Variants in CAMTA1 observed in about 807,000 individuals in gnomAD.
CAMTA1 encodes the protein calmodulin-binding transcription activator 1.
CAMTA1 carries 27 observed loss-of-function variants against 170.9 expected under a neutral mutation model. That is an observed-to-expected ratio of 0.16 (90% CI 0.12 to 0.22). The LOEUF is 0.22. Among genes scored for constraint, CAMTA1 ranks in the 10% least tolerant of loss-of-function variants. CAMTA1 has a pLI of 1.00. For synonymous variants in CAMTA1, 833 were observed against 891.5 expected (o/e 0.93, Z 1.17); for missense variants, 1,619 against 2,217.2 (o/e 0.73, Z 5.42).
chr1:7,104,528 G>C (rs978655064), intron 4 of CAMTA1, among the ~76,000 whole-genome samples: 1 of 152,188 alleles, frequency 6.6e-6, no homozygotes, highest in Non-Finnish European at 1.5e-5. Context: ...GAGGAGCTCT[G>C]GGGGAACTGG....
At chr1:6,870,375 A>G (rs929841117) in intron 3 of CAMTA1, among the ~76,000 whole-genome samples, 2 of 152,312 alleles carry the variant, frequency 1.3e-5, no homozygotes, top group East Asian at 3.9e-4. Flanking sequence ...TGTTTTTTGA[A>G]ACATGGCTTT....
chr1:7,439,115 A>G (rs1385278956), intron 5 of CAMTA1, among the ~76,000 whole-genome samples: 1 of 152,110 alleles, frequency 6.6e-6, no homozygotes, highest in Non-Finnish European at 1.5e-5. Flanking sequence ...GCGTCCTCCC[A>G]GGGCCGAGGG....
chr1:7,107,266 A>ATGTCTGTGTGCG (rs1643682028), intron 4 of CAMTA1, among the ~76,000 whole-genome samples: 1 of 83,910 alleles, frequency 1.2e-5, no homozygotes, highest in African/African-American at 5.3e-5. Flanking sequence ...GTGCATGTGT[A>ATGTCTGTGTGCG]TGTGTGTGTG....
chr1:7,707,168 GC>G (rs1203793820), intron 11 of CAMTA1, among the ~76,000 whole-genome samples: 2 of 152,098 alleles, frequency 1.3e-5, no homozygotes, highest in Non-Finnish European at 2.9e-5. Context: ...ACAGGCGTGA[GC>G]CACCGTGCCT....
intron 4 of CAMTA1, among the ~76,000 whole-genome samples, chr1:7,150,655 A>G (rs1428687952): frequency 6.6e-6 from 1 of 151,862 alleles, no homozygotes; most frequent in African/African-American, 2.4e-5. Context: ...CTCACCGAGA[A>G]CCACTGCTCC....
In CAMTA1 at chr1:7,041,692, G is replaced by C. The variant is rs1438461360; in HGVS notation, c.235-49612G>C. Among the ~76,000 whole-genome samples, 1 of 152,220 alleles carries C rather than the reference G, an allele frequency of 6.6e-6. No homozygotes were observed. Among genetic ancestry groups the C allele is most frequent in the African/African-American group, 2.4e-5 (1 of 41,446 alleles). On this transcript the variant is annotated intron_variant, in intron 3 of 22. Transcript: ENST00000303635. This position sits in a 1 kb window ranked among gnomAD's most constrained non-coding sequence, Gnocchi z 5.1. ...TGTACAATCCTTGGCAGAAAGGTTT[G>C]CTGACGTCTCCTCGTAGATAAAGGA...
intron 4 of CAMTA1, chr1:7,141,980 C>T: frequency 2.3e-6 from 1 of 436,308 alleles, no homozygotes; most frequent in Non-Finnish European, 4.6e-6. Context: ...GAGTTGGGTC[C>T]TCTGACTTCC....
At position 7,561,303 on chromosome 1, in the gene CAMTA1, C is replaced by G. The variant is rs1403866650; in HGVS notation, c.511-79097C>G. Among the ~76,000 whole-genome samples the G allele has an allele frequency of 6.6e-6, 1 of 151,662 alleles. No individual in the cohort carries two copies. Among genetic ancestry groups the G allele is most frequent in the Non-Finnish European group, 1.5e-5 (1 of 67,842 alleles). On this transcript the variant is annotated intron_variant, in intron 6 of 22. Coordinates refer to ENST00000303635, the MANE Select transcript of CAMTA1 (RefSeq NM_015215.4). This position sits in a 1 kb window ranked among gnomAD's most constrained non-coding sequence, Gnocchi z 5.3. ...TCAGCTACCAAGGCTGAGGTTGGTG[C>G]TCCTGGAGGAGCCTCCAGGAGCCCA... is the stretch of plus-strand genomic sequence containing the variant.
chr1:7,609,533 C>T lies in CAMTA1; in HGVS notation c.511-30867C>T, dbSNP rs534493114. Among the ~76,000 whole-genome samples, 1 of 152,220 alleles carries T rather than the reference C, an allele frequency of 6.6e-6. No individual in the cohort carries two copies. Among genetic ancestry groups the T allele is most frequent in the African/African-American group, 2.4e-5 (1 of 41,454 alleles). On this transcript the variant is annotated intron_variant, in intron 6 of 22. Transcript: ENST00000303635. The surrounding 1 kb of genome is among the most constrained non-coding windows in gnomAD (Gnocchi z 4.4). ...CCCAGGGATGCTCAGGGCCTGCCAC[C>T]CCTCTCTCAGGCTCCAGTCCAGCCC...
intron 1 of CAMTA1, among the ~76,000 whole-genome samples, chr1:6,799,085 AT>A (rs1218407746): frequency 6.6e-6 from 1 of 151,762 alleles, no homozygotes; most frequent in African/African-American, 2.4e-5. Context: ...AATTAAAAAA[AT>A]TTTTTAGAGA....
chr1:6,791,167 C>T (rs150347642), intron 1 of CAMTA1, among the ~76,000 whole-genome samples: 2 of 124,774 alleles, frequency 1.6e-5, no homozygotes, highest in African/African-American at 6.1e-5. Context: ...ACCTCCCTTT[C>T]TTTTCTTCGG....
At chr1:7,535,414 G>A (rs1230783304) in intron 6 of CAMTA1, among the ~76,000 whole-genome samples, 1 of 152,148 alleles carries the variant, frequency 6.6e-6, no homozygotes, top group Non-Finnish European at 1.5e-5. Context: ...CTTTACGTCA[G>A]ACAGAGTATG....
At chr1:7,019,063 T>C (rs1395323755) in intron 3 of CAMTA1, among the ~76,000 whole-genome samples, 1 of 152,202 alleles carries the variant, frequency 6.6e-6, no homozygotes, top group African/African-American at 2.4e-5. Flanking sequence ...CCCGCATGCC[T>C]TTGGTGCTAC....
chr1:7,712,501 T>C (rs2149679320), intron 11 of CAMTA1, among the ~76,000 whole-genome samples: 1 of 152,162 alleles, frequency 6.6e-6, no homozygotes. Context: ...TTGGATTTTT[T>C]GTAGAGACAG....
chr1:7,146,356 G>T lies in CAMTA1; in HGVS notation c.302+54985G>T, dbSNP rs767413100. Among the ~76,000 whole-genome samples, 2 of 152,182 alleles carry T rather than the reference G, an allele frequency of 1.3e-5. No homozygotes were observed. Among genetic ancestry groups the T allele is most frequent in the Non-Finnish European group, 2.9e-5 (2 of 68,022 alleles). ...TCCACATATCCTGGAGGGGGAAGAA[G>T]CACGTATGAAAGAAGTGAAGAGATA... is the stretch of plus-strand genomic sequence containing the variant. On this transcript the variant is annotated intron_variant, in intron 4 of 22. Coordinates refer to ENST00000303635, the MANE Select transcript of CAMTA1 (RefSeq NM_015215.4). This position sits in a 1 kb window ranked among gnomAD's most constrained non-coding sequence, Gnocchi z 4.3.
Position 7,355,420 on chromosome 1 carries a change from A to G in CAMTA1, c.438+105794A>G, listed in dbSNP as rs529970153. On this transcript the variant is annotated intron_variant, in intron 5 of 22. Transcript: ENST00000303635. Reference sequence around the variant, plus strand: ...AAAATAAAACAAACAGAAAAACTCAAATCTTCTTCTGTCTACCCATCCATT... The same window carrying G: ...AAAATAAAACAAACAGAAAAACTCAGATCTTCTTCTGTCTACCCATCCATT... Among the ~76,000 whole-genome samples the G allele has an allele frequency of 1.1e-3, 166 of 152,150 alleles. 2 individuals are homozygous for G. Among genetic ancestry groups the G allele is most frequent in the Non-Finnish European group, 1.8e-3 (121 of 67,970 alleles).
At chr1:6,892,954 A>G (rs1674849955) in intron 3 of CAMTA1, among the ~76,000 whole-genome samples, 1 of 152,062 alleles carries the variant, frequency 6.6e-6, no homozygotes, top group Non-Finnish European at 1.5e-5. Flanking sequence ...TTCAGAAATA[A>G]AGAAACAGCC....
At chr1:7,449,933 C>T (rs1192575142) in intron 5 of CAMTA1, among the ~76,000 whole-genome samples, 1 of 152,146 alleles carries the variant, frequency 6.6e-6, no homozygotes, top group Non-Finnish European at 1.5e-5. Context: ...CCACACTTCG[C>T]AACAAGACCA....
chr1:7,169,984 A>C (rs1231439878), intron 4 of CAMTA1, among the ~76,000 whole-genome samples: 1 of 151,812 alleles, frequency 6.6e-6, no homozygotes, highest in Admixed American at 6.6e-5. Flanking sequence ...CCAACTTTTG[A>C]CTTTGCTGTT....
Sources: gnomAD v4.1 joint callset for allele counts (sites outside exome capture counted in the v4.1 genomes callset) on GRCh38, gnomAD v4.1.1 for gene constraint, Gnocchi (gnomAD v3.1) non-coding constraint, MANE v1.5 for transcripts, NCBI Gene and HGNC (gene_info 2026-07-23, HGNC 2026-07-21) for gene names.